The following SLIT2 variants were observed in gnomAD, a reference collection of about 807,000 sequenced individuals.
The protein encoded by SLIT2 is slit homolog 2 protein.
Under a neutral mutation model 185.7 loss-of-function variants are expected in SLIT2, and 41 were observed. The ratio of observed to expected loss-of-function variants is 0.22; its 90% CI spans 0.17 to 0.29. The LOEUF (loss-of-function observed/expected upper bound fraction) is 0.29, where lower values mean the gene tolerates loss of function less well. Ranked by LOEUF, SLIT2 falls within the 10% of genes least tolerant of loss-of-function variation. SLIT2 has a pLI of 1.00. For missense variants in SLIT2, 1,571 were observed against 1,909.0 expected (o/e 0.82, Z 3.30); for synonymous variants, 693 against 680.2 (o/e 1.02, Z -0.29).
intron 4 of SLIT2, among the ~76,000 whole-genome samples, chr4:20,384,070 T>C (rs1023437503): frequency 6.7e-6 from 1 of 148,608 alleles, no homozygotes; most frequent in Non-Finnish European, 1.5e-5. Flanking sequence ...AAGGCTTATA[T>C]GCAAATATTC....
chr4:20,569,764 GA>G (rs367646532), intron 29 of SLIT2, among the ~76,000 whole-genome samples: 36 of 151,718 alleles, frequency 2.4e-4, no homozygotes, highest in South Asian at 2.3e-3. Flanking sequence ...TTATTTGTAA[GA>G]AAAAAAATGG....
chr4:20,418,045 C>T (rs1409960846), intron 4 of SLIT2, among the ~76,000 whole-genome samples: 1 of 152,042 alleles, frequency 6.6e-6, no homozygotes, highest in Non-Finnish European at 1.5e-5. Context: ...GTAGAGTGTA[C>T]CACTGGAAGA....
intron 4 of SLIT2, among the ~76,000 whole-genome samples, chr4:20,437,744 C>T (rs1366857790): frequency 6.6e-6 from 1 of 151,824 alleles, no homozygotes; most frequent in African/African-American, 2.4e-5. Context: ...AACCCTGTCT[C>T]TACTGAAAAA....
At position 20,318,536 on chromosome 4, in the gene SLIT2, G is replaced by A. The variant is rs142629023; in HGVS notation, c.395+49655G>A. Among the ~76,000 whole-genome samples the A allele has an allele frequency of 3.0e-3, 462 of 152,264 alleles. 2 individuals are homozygous for A. Among genetic ancestry groups the A allele is most frequent in the African/African-American group, 0.011 (439 of 41,570 alleles). On this transcript the variant is annotated intron_variant, in intron 4 of 36. Coordinates refer to ENST00000504154, the MANE Select transcript of SLIT2 (RefSeq NM_004787.4). Reference sequence around the variant, plus strand: ...CCAGTCCAAAATTCCCCTTGAAGGGGCTTCGGCTGCTGTTGCTTTTTGCAA... The same window carrying A: ...CCAGTCCAAAATTCCCCTTGAAGGGACTTCGGCTGCTGTTGCTTTTTGCAA...
At chr4:20,482,694 A>G (rs1263853783) in intron 6 of SLIT2, among the ~76,000 whole-genome samples, 1 of 152,024 alleles carries the variant, frequency 6.6e-6, no homozygotes, top group Non-Finnish European at 1.5e-5. Flanking sequence ...ATCTTATAGA[A>G]GTATATATTG....
At chr4:20,498,970 G>A (rs1281191613) in intron 9 of SLIT2, among the ~76,000 whole-genome samples, 1 of 152,138 alleles carries the variant, frequency 6.6e-6, no homozygotes, top group Non-Finnish European at 1.5e-5. Context: ...TTTATTTTTT[G>A]TTCTTTGAGA....
At chr4:20,546,863 A>C (rs1723296637) in intron 22 of SLIT2, among the ~76,000 whole-genome samples, 1 of 152,114 alleles carries the variant, frequency 6.6e-6, no homozygotes. Flanking sequence ...AAAACTTTTC[A>C]GAACACAAAA....
intron 4 of SLIT2, among the ~76,000 whole-genome samples, chr4:20,413,770 A>G (rs968306041): frequency 6.6e-6 from 1 of 151,648 alleles, no homozygotes; most frequent in Non-Finnish European, 1.5e-5. Flanking sequence ...GTATTTTTCC[A>G]TCCTTTTATT....
At chr4:20,357,556 C>T (rs532701220) in intron 4 of SLIT2, among the ~76,000 whole-genome samples, 67 of 152,110 alleles carry the variant, frequency 4.4e-4, no homozygotes, top group Non-Finnish European at 9.0e-4. Flanking sequence ...ACCTATATAT[C>T]ATTACTAGTT....
intron 35 of SLIT2, 90 bp downstream of exon 35, chr4:20,617,288 G>A (rs1448636869): frequency 4.6e-6 from 6 of 1,295,282 alleles, no homozygotes; most frequent in African/African-American, 4.4e-5. Flanking sequence ...GGGAGGGGAC[G>A]GGAAGGGAGG....
chr4:20,579,480 G>A (rs538674035), intron 29 of SLIT2, among the ~76,000 whole-genome samples: 12 of 151,958 alleles, frequency 7.9e-5, no homozygotes, highest in Non-Finnish European at 1.6e-4. Context: ...TTTCTAGGCC[G>A]GGATGCTACA....
At chr4:20,430,897 C>CATCG (rs746049360) in intron 4 of SLIT2, among the ~76,000 whole-genome samples, 2 of 152,098 alleles carry the variant, frequency 1.3e-5, no homozygotes, top group Non-Finnish European at 2.9e-5. Flanking sequence ...ACATGTATAC[C>CATCG]ATCGACACAC....
intron 3 of SLIT2, among the ~76,000 whole-genome samples, chr4:20,265,144 T>C (rs1442426564): frequency 6.6e-6 from 1 of 151,960 alleles, no homozygotes; most frequent in Non-Finnish European, 1.5e-5. Context: ...ACGATCATCT[T>C]CAAGCTGTTA....
chr4:20,280,491 G>A (rs1714644159), intron 4 of SLIT2, among the ~76,000 whole-genome samples: 1 of 152,076 alleles, frequency 6.6e-6, no homozygotes, highest in South Asian at 2.1e-4. Flanking sequence ...TATGTAGTAA[G>A]TCAGATAAGA....
chr4:20,469,053 G>A (rs1014758607), intron 5 of SLIT2, among the ~76,000 whole-genome samples: 1 of 151,978 alleles, frequency 6.6e-6, no homozygotes, highest in African/African-American at 2.4e-5. Context: ...TTAAAACTAT[G>A]GCTGTAAGGT....
chr4:20,385,746 C>G (rs533841263), intron 4 of SLIT2, among the ~76,000 whole-genome samples: 1 of 152,224 alleles, frequency 6.6e-6, no homozygotes, highest in South Asian at 2.1e-4. Flanking sequence ...TCCTGTGATT[C>G]TTGTCATTAC....
intron 26 of SLIT2, among the ~76,000 whole-genome samples, chr4:20,561,259 C>T (rs951791165): frequency 1.3e-5 from 2 of 151,794 alleles, no homozygotes; most frequent in African/African-American, 4.8e-5. Flanking sequence ...TTGGCATAAC[C>T]CATGATAATC....
chr4:20,356,972 C>T (rs1181155452), intron 4 of SLIT2, among the ~76,000 whole-genome samples: 4 of 151,888 alleles, frequency 2.6e-5, no homozygotes, highest in African/African-American at 7.3e-5. Context: ...TAAAACAAAA[C>T]AAAACAAAAA....
intron 4 of SLIT2, among the ~76,000 whole-genome samples, chr4:20,308,295 G>A (rs1331603913): frequency 6.6e-6 from 1 of 152,182 alleles, no homozygotes; most frequent in Non-Finnish European, 1.5e-5. Flanking sequence ...GGTAAAACGA[G>A]TGGAAAATGC....
Sources: gnomAD v4.1 joint callset for allele counts (sites outside exome capture counted in the v4.1 genomes callset) on GRCh38, gnomAD v4.1.1 for gene constraint, MANE v1.5 for transcripts, NCBI Gene and HGNC (gene_info 2026-07-23, HGNC 2026-07-21) for gene names.